LRRC7: variants seen among roughly 807,000 people sequenced by gnomAD.
LRRC7 encodes the protein leucine rich repeat containing 7, also known as leucine-rich repeat-containing protein 7.
A neutral mutation model predicts 175.7 loss-of-function variants in LRRC7; 23 were observed. The observed-to-expected ratio is 0.13, with a 90% CI of 0.09 to 0.19. LRRC7 has a LOEUF of 0.19. Ranked by LOEUF, LRRC7 falls within the 10% of genes least tolerant of loss-of-function variation. The pLI is 1.00. For synonymous variants in LRRC7, 685 were observed against 680.9 expected, an observed-to-expected ratio of 1.01 and a Z score of -0.09; for missense variants, 1,354 against 1,904.7, an observed-to-expected ratio of 0.71 and a Z score of 5.38.
intron 1 of LRRC7, among the ~76,000 whole-genome samples, chr1:69,634,883 G>A (rs992549138): frequency 3.9e-5 from 6 of 151,984 alleles, no homozygotes; most frequent in African/African-American, 7.2e-5. Flanking sequence ...TTGACTGAGC[G>A]GAAAATTGAG....
chr1:69,592,679 C>T (rs1346670050), intron 1 of LRRC7, among the ~76,000 whole-genome samples: 1 of 152,040 alleles, frequency 6.6e-6, no homozygotes, highest in Non-Finnish European at 1.5e-5. Context: ...AATGCTAAGC[C>T]TCTCACTTTT....
intron 26 of LRRC7, among the ~76,000 whole-genome samples, chr1:70,121,066 A>T (rs976735250): frequency 6.6e-6 from 1 of 152,040 alleles, no homozygotes; most frequent in Non-Finnish European, 1.5e-5. Flanking sequence ...GAACTCTGAA[A>T]CTGTAACCTT....
intron 1 of LRRC7, among the ~76,000 whole-genome samples, chr1:69,647,832 A>G (rs1655221347): frequency 6.6e-6 from 1 of 152,058 alleles, no homozygotes; most frequent in Non-Finnish European, 1.5e-5. Flanking sequence ...TTCAATTGAT[A>G]TATTATTTTA....
At chr1:70,011,472 T>C (rs554410841) in intron 11 of LRRC7, among the ~76,000 whole-genome samples, 1 of 152,230 alleles carries the variant, frequency 6.6e-6, no homozygotes, top group East Asian at 1.9e-4. Context: ...ATGACAGTTA[T>C]AGTCACTCAT....
chr1:70,014,697 T>A (rs1656816987), intron 13 of LRRC7, among the ~76,000 whole-genome samples: 3 of 152,016 alleles, frequency 2.0e-5, no homozygotes, highest in African/African-American at 7.2e-5. Flanking sequence ...ATTATTATAA[T>A]TTTGTATTTA....
In LRRC7 at chr1:69,942,409, G is replaced by C. The variant is rs12725918; in HGVS notation, c.711+10839G>C. Among the ~76,000 whole-genome samples, 117 of 152,084 alleles carry C rather than the reference G, an allele frequency of 7.7e-4. 1 individual carries two copies. In the South Asian group the frequency reaches 0.018, roughly 23 times the overall value. ...GAATTCCAGGCCTACATATATACCT[G>C]TGTTACTTTTCTATTTCTGAATGGT... On this transcript the variant is annotated intron_variant, in intron 8 of 26. Coordinates refer to ENST00000651989, the MANE Select transcript of LRRC7 (RefSeq NM_001370785.2).
At chr1:69,761,154 A>G (rs1331792007) in intron 3 of LRRC7, among the ~76,000 whole-genome samples, 1 of 152,076 alleles carries the variant, frequency 6.6e-6, no homozygotes, top group Non-Finnish European at 1.5e-5. Flanking sequence ...AAGGGATCCT[A>G]ACAGTCACCT....
chr1:69,653,121 T>C, intron 1 of LRRC7, among the ~76,000 whole-genome samples: 1 of 151,970 alleles, frequency 6.6e-6, no homozygotes, highest in East Asian at 1.9e-4. Context: ...TAAAAACTTC[T>C]GCATAACAAA....
chr1:70,138,343 CT>C lies in LRRC7; in HGVS notation c.*16460del, dbSNP rs901780317. ...TCAGTTGTCAACATGGAGAAGCCACCTTTTAAAAAAGATCAGTTCTGTAAAG... is the reference window on the plus strand; with the variant it reads ...TCAGTTGTCAACATGGAGAAGCCACCTTTAAAAAAGATCAGTTCTGTAAAG... On this transcript the variant is annotated 3_prime_UTR_variant, in exon 27 of 27. Coordinates refer to ENST00000651989, the MANE Select transcript of LRRC7 (RefSeq NM_001370785.2). The C allele has an allele frequency of 6.6e-6, 1 of 152,086 alleles. No individual in the cohort carries two copies. The highest frequency in any genetic ancestry group is 1.5e-5 in the Non-Finnish European group (1 of 68,006). 9.4% of individuals were successfully genotyped at this position (152,086 alleles called of 1,614,324 possible).
At chr1:69,812,205 G>A (rs1465661461) in intron 4 of LRRC7, among the ~76,000 whole-genome samples, 1 of 152,096 alleles carries the variant, frequency 6.6e-6, no homozygotes, top group Non-Finnish European at 1.5e-5. Context: ...TGGAACAAAT[G>A]TTATAAATGC....
intron 18 of LRRC7, among the ~76,000 whole-genome samples, chr1:70,032,155 C>T (rs1366150050): frequency 2.0e-5 from 3 of 152,190 alleles, no homozygotes; most frequent in Non-Finnish European, 2.9e-5. Context: ...CTACCTCAAG[C>T]TAGCCATTTG....
At position 70,130,817 on chromosome 1, in the gene LRRC7, G is replaced by A. The variant is rs558631856; in HGVS notation, c.*8930G>A. The stretch of plus-strand genomic sequence containing the variant: ...GAATAAAAGATGTCATGAGAGAGAC[G>A]AGGCTACGGAAGTGTAGTTGAGAGA... On this transcript the variant is annotated 3_prime_UTR_variant, in exon 27 of 27. Transcript: ENST00000651989. 5.3e-5 allele frequency among the ~76,000 whole-genome samples: 8 copies of A among 152,252 alleles called. No homozygotes were observed. The South Asian group carries it at 1.0e-3, about 20-fold the overall frequency.
At chr1:70,015,402 A>T (rs1005557094) in intron 13 of LRRC7, among the ~76,000 whole-genome samples, 1 of 152,128 alleles carries the variant, frequency 6.6e-6, no homozygotes, top group African/African-American at 2.4e-5. Context: ...AAGATTGCCC[A>T]CTTCCATTAT....
chr1:70,037,105 C>T (rs1219203410), intron 20 of LRRC7, among the ~76,000 whole-genome samples: 1 of 152,128 alleles, frequency 6.6e-6, no homozygotes, highest in Non-Finnish European at 1.5e-5. Flanking sequence ...GCCTCCTCCT[C>T]TATATTACTC....
At chr1:69,687,143 C>T (rs996866237) in intron 2 of LRRC7, among the ~76,000 whole-genome samples, 9 of 151,926 alleles carry the variant, frequency 5.9e-5, no homozygotes, top group African/African-American at 1.9e-4. Flanking sequence ...TTTTATTTAG[C>T]CCAACTTAGT....
chr1:69,785,590 C>T (rs959605380), intron 3 of LRRC7, among the ~76,000 whole-genome samples: 8 of 152,046 alleles, frequency 5.3e-5, no homozygotes, highest in African/African-American at 1.7e-4. Context: ...TTATCAAAGT[C>T]TTTTCCACTT....
In LRRC7 at chr1:70,124,518, C is replaced by G. The variant is rs1352595050; in HGVS notation, c.*2631C>G. On this transcript the variant is annotated 3_prime_UTR_variant, in exon 27 of 27. Coordinates refer to ENST00000651989, the MANE Select transcript of LRRC7 (RefSeq NM_001370785.2). Reference sequence around the variant, plus strand: ...CCGGCCTGGGCAACAGAGCGAAACTCTGTCTCAAAATAAATAAATAAATTA... The same window carrying G: ...CCGGCCTGGGCAACAGAGCGAAACTGTGTCTCAAAATAAATAAATAAATTA... Among the ~76,000 whole-genome samples, 1 of 152,094 alleles carries G rather than the reference C, an allele frequency of 6.6e-6. No individual in the cohort carries two copies. Among genetic ancestry groups the G allele is most frequent in the African/African-American group, 2.4e-5 (1 of 41,424 alleles).
chr1:69,853,567 G>A (rs191847845), intron 7 of LRRC7, among the ~76,000 whole-genome samples: 189 of 152,116 alleles, frequency 1.2e-3, no homozygotes, highest in African/African-American at 4.2e-3. Flanking sequence ...GTGAGCCACC[G>A]CACCCTGCCC....
chr1:69,611,264 T>G (rs1569919171), intron 1 of LRRC7, among the ~76,000 whole-genome samples: 1 of 152,018 alleles, frequency 6.6e-6, no homozygotes, highest in Non-Finnish European at 1.5e-5. Context: ...CTAAGTATTA[T>G]AAGTATTTTT....
Sources: allele counts gnomAD v4.1 joint callset (sites outside exome capture counted in the v4.1 genomes callset), GRCh38; gene constraint gnomAD v4.1.1; transcripts MANE v1.5; gene names NCBI Gene and HGNC (gene_info 2026-07-23, HGNC 2026-07-21).